Variants in PTPRN2 observed in about 807,000 individuals in gnomAD.
The protein encoded by PTPRN2 is receptor-type tyrosine-protein phosphatase N2.
Under a neutral mutation model 118.8 loss-of-function variants are expected in PTPRN2, and 74 were observed. The observed-to-expected ratio is 0.62, with a 90% CI of 0.52 to 0.76. The LOEUF (loss-of-function observed/expected upper bound fraction) is 0.76, where lower values mean the gene tolerates loss of function less well. Ranked by LOEUF, PTPRN2 falls within the 30% of genes least tolerant of loss-of-function variation. The pLI, the probability that PTPRN2 is intolerant of heterozygous loss-of-function variation, is 0.00. For missense variants in PTPRN2, 1,481 were observed against 1,394.4 expected (o/e 1.06, Z -0.99); for synonymous variants, 641 against 608.0 (o/e 1.05, Z -0.80).
chr7:157,819,389 C>A (rs1806650788), intron 12 of PTPRN2, among the ~76,000 whole-genome samples: 2 of 152,206 alleles, frequency 1.3e-5, no homozygotes, highest in South Asian at 4.1e-4. Context: ...CATCCGTCAG[C>A]GTCAATTAGG....
At chr7:158,429,058 A>G (rs892528926) in intron 2 of PTPRN2, among the ~76,000 whole-genome samples, 5 of 152,194 alleles carry the variant, frequency 3.3e-5, no homozygotes, top group Non-Finnish European at 5.9e-5. Context: ...TTGGACTCCT[A>G]GCACTGGCTG....
chr7:157,563,544 C>A (rs1184205418), intron 21 of PTPRN2, among the ~76,000 whole-genome samples: 1 of 129,370 alleles, frequency 7.7e-6, no homozygotes, highest in African/African-American at 3.0e-5. Context: ...GGACCACGTG[C>A]TCCCACGTCA....
At chr7:158,177,733 T>A (rs1343301866) in intron 5 of PTPRN2, among the ~76,000 whole-genome samples, 1 of 152,250 alleles carries the variant, frequency 6.6e-6, no homozygotes, top group Non-Finnish European at 1.5e-5. Flanking sequence ...CTGAGTAGCA[T>A]TCCATTTTGT....
intron 21 of PTPRN2, among the ~76,000 whole-genome samples, chr7:157,554,791 G>A (rs575178293): frequency 4.6e-5 from 7 of 152,368 alleles, no homozygotes; most frequent in African/African-American, 1.7e-4. Flanking sequence ...TGGGGTCCAC[G>A]GAGAAGTCCC....
chr7:158,469,132 A>G (rs1054172736), intron 2 of PTPRN2, among the ~76,000 whole-genome samples: 9 of 113,842 alleles, frequency 7.9e-5, no homozygotes, highest in African/African-American at 2.8e-4. Flanking sequence ...TCAGGCTTTC[A>G]GACTGAGGAA....
At chr7:157,562,790 G>T (rs1276117728) in intron 21 of PTPRN2, among the ~76,000 whole-genome samples, 15 of 130,058 alleles carry the variant, frequency 1.2e-4, no homozygotes, top group Middle Eastern at 5.1e-3. Context: ...ATGTGCTCCC[G>T]CATCACCACA....
rs1374602331 is a variant in PTPRN2, at chr7:157,763,839, G to T, written c.1789-80902C>A. Among the ~76,000 whole-genome samples the T allele has an allele frequency of 5.3e-5, 8 of 152,024 alleles. No homozygotes were observed. Among genetic ancestry groups the T allele is most frequent in the Admixed American group, 1.3e-4 (2 of 15,274 alleles). ...GCTGGGCCTCTGCTGTGTGGCCACT[G>T]CCCCATGTGGCTGCCCCATCCCCCA... On this transcript the variant is annotated intron_variant, in intron 12 of 22. Transcript: ENST00000389418. The surrounding 1 kb of genome is among the most constrained non-coding windows in gnomAD (Gnocchi z 4.9).
intron 17 of PTPRN2, among the ~76,000 whole-genome samples, chr7:157,588,299 C>T (rs866847350): frequency 2.0e-4 from 31 of 152,346 alleles, no homozygotes; most frequent in Middle Eastern, 3.4e-3. Flanking sequence ...TCGGTTGACT[C>T]GAGCCGCGTA....
At chr7:157,732,966 T>G (rs71544507) in intron 12 of PTPRN2, among the ~76,000 whole-genome samples, 10 of 3,456 alleles carry the variant, frequency 2.9e-3, no homozygotes, top group East Asian at 0.029. Context: ...TCCCGTCCCA[T>G]GCGCCCAGCA....
At position 158,583,999 on chromosome 7, in the gene PTPRN2, C is replaced by T. The variant is rs113091212; in HGVS notation, c.112+3559G>A. Among the ~76,000 whole-genome samples the T allele has an allele frequency of 2.8e-3, 432 of 152,308 alleles. 3 individuals are homozygous for T. Among genetic ancestry groups the T allele is most frequent in the South Asian group, 0.021 (103 of 4,822 alleles). On this transcript the variant is annotated intron_variant, in intron 1 of 22. Coordinates refer to ENST00000389418, the MANE Select transcript of PTPRN2 (RefSeq NM_002847.5). The stretch of plus-strand genomic sequence containing the variant: ...TCACAAAGCCAGCAGAGTCCTGCTC[C>T]GATGGCTCTGCCTCTCGGCTCTGTG...
chr7:157,600,684 C>T (rs754529068), intron 16 of PTPRN2, among the ~76,000 whole-genome samples: 21 of 152,248 alleles, frequency 1.4e-4, no homozygotes, highest in African/African-American at 4.8e-4. Context: ...GCTGGGATTA[C>T]AGGCATGAGC....
intron 14 of PTPRN2, among the ~76,000 whole-genome samples, chr7:157,638,121 A>G (rs1458641985): frequency 2.0e-5 from 3 of 152,272 alleles, no homozygotes; most frequent in African/African-American, 7.2e-5. Context: ...AACAACTGAC[A>G]AGGTGATGGC....
chr7:158,287,780 GTA>G (rs1799859086), intron 3 of PTPRN2, among the ~76,000 whole-genome samples: 1 of 152,044 alleles, frequency 6.6e-6, no homozygotes, highest in Non-Finnish European at 1.5e-5. Flanking sequence ...AGAAGAATGT[GTA>G]TTTGCTACCA....
At chr7:157,612,167 G>A (rs1252435458) in intron 15 of PTPRN2, among the ~76,000 whole-genome samples, 2 of 152,252 alleles carry the variant, frequency 1.3e-5, no homozygotes, top group Non-Finnish European at 2.9e-5. Flanking sequence ...AGCGCCGCCT[G>A]GAGCCAGCCT....
At chr7:158,523,309 G>A (rs1272015354) in intron 1 of PTPRN2, among the ~76,000 whole-genome samples, 1 of 151,738 alleles carries the variant, frequency 6.6e-6, no homozygotes. Context: ...CAAGAGATTA[G>A]CCAAAGGAGC....
intron 13 of PTPRN2, among the ~76,000 whole-genome samples, chr7:157,662,939 C>T (rs1015848103): frequency 5.9e-5 from 9 of 152,138 alleles, no homozygotes; most frequent in Admixed American, 5.9e-4. Flanking sequence ...ACGGCTCAGC[C>T]ACGTTCACGC....
intron 2 of PTPRN2, among the ~76,000 whole-genome samples, chr7:158,319,609 TTGTA>T (rs1479015979): frequency 1.3e-3 from 20 of 15,910 alleles, no homozygotes; most frequent in African/African-American, 2.7e-3. Context: ...ACAGCCTCCC[TTGTA>T]CACACACAGC....
rs1237608600 is a variant in PTPRN2, at chr7:158,236,765, A to G, written c.278-31492T>C. Among the ~76,000 whole-genome samples the G allele has an allele frequency of 2.0e-5, 3 of 152,244 alleles. No individual in the cohort carries two copies. In the East Asian group the frequency reaches 5.8e-4, roughly 30 times the overall value. ...ACCCAGCCACTCTGTTACCAGGTAG[A>G]ACCTGTCCCTGCCCGACCACTCTGC... is the stretch of plus-strand genomic sequence containing the variant. On this transcript the variant is annotated intron_variant, in intron 3 of 22. Transcript: ENST00000389418.
At position 158,266,024 on chromosome 7, in the gene PTPRN2, C is replaced by T. The variant is rs146413119; in HGVS notation, c.277+50795G>A. Among the ~76,000 whole-genome samples, 117 of 152,178 alleles carry T rather than the reference C, an allele frequency of 7.7e-4. 1 individual carries two copies. The highest frequency in any genetic ancestry group is 2.6e-3 in the African/African-American group (109 of 41,414). ...TCTGGAGGACCAGTGGGGACAGTGT[C>T]TGCTGCGGTGTGATGTCTGGCAGTG... On this transcript the variant is annotated intron_variant, in intron 3 of 22. Transcript: ENST00000389418.
Sources: gnomAD v4.1 joint callset for allele counts (sites outside exome capture counted in the v4.1 genomes callset) on GRCh38, gnomAD v4.1.1 for gene constraint, Gnocchi (gnomAD v3.1) non-coding constraint, MANE v1.5 for transcripts, NCBI Gene and HGNC (gene_info 2026-07-23, HGNC 2026-07-21) for gene names.